CSMD3: variants seen among roughly 807,000 people sequenced by gnomAD.
The protein encoded by CSMD3 is CUB and Sushi multiple domains 3, also known as CUB and sushi domain-containing protein 3.
A neutral mutation model predicts 435.2 loss-of-function variants in CSMD3; 177 were observed. That is an observed-to-expected ratio of 0.41 (90% CI 0.36 to 0.46). The LOEUF (loss-of-function observed/expected upper bound fraction) is 0.46, where lower values mean the gene tolerates loss of function less well. CSMD3 is among the 20% of genes least tolerant of loss of function. CSMD3 has a pLI of 0.34. For synonymous variants in CSMD3, 1,656 were observed against 1,520.5 expected, an observed-to-expected ratio of 1.09 and a Z score of -2.07; for missense variants, 4,265 against 4,504.6, an observed-to-expected ratio of 0.95 and a Z score of 1.52.
chr8:112,394,941 G>A (rs552550071), intron 35 of CSMD3, among the ~76,000 whole-genome samples: 8 of 152,208 alleles, frequency 5.3e-5, no homozygotes, highest in African/African-American at 1.7e-4. Flanking sequence ...AACTGATTGT[G>A]TATCTGTACA....
At chr8:112,994,896 A>T (rs1372494897) in intron 6 of CSMD3, among the ~76,000 whole-genome samples, 1 of 151,634 alleles carries the variant, frequency 6.6e-6, no homozygotes, top group East Asian at 1.9e-4. Flanking sequence ...GTGTTACAAA[A>T]GTCTTTTATT....
intron 1 of CSMD3, among the ~76,000 whole-genome samples, chr8:113,327,894 G>A (rs926256995): frequency 2.0e-5 from 3 of 152,122 alleles, no homozygotes; most frequent in African/African-American, 7.2e-5. Context: ...CTCACAGGGG[G>A]CTTTGAAAAG....
intron 20 of CSMD3, 25 bp downstream of exon 20, chr8:112,645,084 A>G (rs1353116336): frequency 9.1e-7 from 1 of 1,103,734 alleles, no homozygotes; most frequent in East Asian, 2.4e-5. Flanking sequence ...AGATAGTCCA[A>G]TTATTATTTC....
intron 3 of CSMD3, among the ~76,000 whole-genome samples, chr8:113,200,643 G>T (rs544734861): frequency 2.0e-5 from 3 of 151,010 alleles, no homozygotes; most frequent in Non-Finnish European, 4.4e-5. Flanking sequence ...TGCAGAACGA[G>T]CTAGAAGAAG....
At chr8:113,312,842 T>A (rs984327478) in intron 2 of CSMD3, 1 of 152,190 alleles carries the variant, frequency 6.6e-6, no homozygotes, top group South Asian at 2.1e-4. Flanking sequence ...ATAAAATAGA[T>A]GATTATTGTA....
intron 13 of CSMD3, among the ~76,000 whole-genome samples, chr8:112,759,069 C>T (rs995547961): frequency 9.9e-5 from 15 of 151,990 alleles, no homozygotes; most frequent in Admixed American, 9.2e-4. Context: ...TAATACTGTT[C>T]TTAGATTTAT....
intron 11 of CSMD3, 54 bp downstream of exon 11, chr8:112,859,091 C>T (rs1471737745): frequency 1.3e-6 from 2 of 1,545,250 alleles, no homozygotes; most frequent in Non-Finnish European, 1.8e-6. Context: ...ATTTCTTTGC[C>T]TTTGTCTTTA....
chr8:113,220,459 A>C (rs1414526493), intron 3 of CSMD3, among the ~76,000 whole-genome samples: 2 of 151,416 alleles, frequency 1.3e-5, no homozygotes, highest in Non-Finnish European at 3.0e-5. Context: ...GCACCAAAAT[A>C]TTAAATGTAT....
At chr8:112,793,165 A>C (rs111244927) in intron 13 of CSMD3, among the ~76,000 whole-genome samples, 2 of 147,470 alleles carry the variant, frequency 1.4e-5, no homozygotes, top group African/African-American at 4.9e-5. Context: ...TTAATATATT[A>C]ATTAAATATA....
chr8:112,901,302 T>C (rs1250454788), intron 10 of CSMD3, among the ~76,000 whole-genome samples: 1 of 151,208 alleles, frequency 6.6e-6, no homozygotes, highest in Non-Finnish European at 1.5e-5. Context: ...AAATACAACA[T>C]TAAAAGATCT....
chr8:113,261,941 C>G (rs1438403810), intron 3 of CSMD3, among the ~76,000 whole-genome samples: 1 of 151,914 alleles, frequency 6.6e-6, no homozygotes, highest in Non-Finnish European at 1.5e-5. Context: ...TCAAAATAAC[C>G]TTGTAGAATC....
chr8:112,524,723 T>C (rs889690474), intron 27 of CSMD3, among the ~76,000 whole-genome samples: 1 of 152,002 alleles, frequency 6.6e-6, no homozygotes, highest in African/African-American at 2.4e-5. Context: ...ATAATTGATA[T>C]TATATTGATG....
chr8:113,116,669 T>G lies in CSMD3; in HGVS notation c.710-17706A>C, dbSNP rs534465185. 1.2e-4 allele frequency among the ~76,000 whole-genome samples: 19 copies of G among 152,272 alleles called. No individual in the cohort carries two copies. In the South Asian group the frequency reaches 3.9e-3, roughly 32 times the overall value. On this transcript the variant is annotated intron_variant, in intron 4 of 70. Transcript: ENST00000297405. ...GAAGACAAAAAACTGTAGAAAAGTTTGGAACTTCTTAGAGACTTAGAGAGG... is the reference window on the plus strand; with the variant it reads ...GAAGACAAAAAACTGTAGAAAAGTTGGGAACTTCTTAGAGACTTAGAGAGG...
chr8:112,942,302 A>G (rs2083475449), intron 9 of CSMD3, among the ~76,000 whole-genome samples: 2 of 151,658 alleles, frequency 1.3e-5, no homozygotes, highest in South Asian at 4.2e-4. Context: ...TGTGAAAAGC[A>G]GTTTTGCAAT....
At chr8:113,182,872 C>CTGT (rs71281205) in intron 3 of CSMD3, among the ~76,000 whole-genome samples, 8,075 of 136,978 alleles carry the variant, frequency 0.059, 316 homozygotes, top group Non-Finnish European at 0.096. Context: ...TTTGTTGTTG[C>CTGT]TGTTGTTGTT....
At chr8:112,380,163 T>C (rs555182000) in intron 38 of CSMD3, among the ~76,000 whole-genome samples, 189 bp downstream of exon 38, 62 of 152,344 alleles carry the variant, frequency 4.1e-4, no homozygotes, top group Non-Finnish European at 8.4e-4. Flanking sequence ...TGTAAATTCT[T>C]GTGAAACCAT....
intron 10 of CSMD3, among the ~76,000 whole-genome samples, chr8:112,902,171 T>C (rs1399525799): frequency 2.0e-5 from 3 of 151,216 alleles, no homozygotes; most frequent in African/African-American, 7.3e-5. Flanking sequence ...AGACAGCCTT[T>C]ATCTAGGTGT....
At chr8:113,109,557 A>G (rs754919648) in intron 4 of CSMD3, among the ~76,000 whole-genome samples, 8 of 152,244 alleles carry the variant, frequency 5.3e-5, no homozygotes, top group African/African-American at 1.9e-4. Context: ...ATTATGTCTT[A>G]TAGCTCAAGA....
At chr8:112,833,524 C>T (rs2079936846) in intron 11 of CSMD3, among the ~76,000 whole-genome samples, 1 of 151,970 alleles carries the variant, frequency 6.6e-6, no homozygotes, top group African/African-American at 2.4e-5. Context: ...ACATAGCAAG[C>T]ATGTCTTCTG....
Sources: allele counts gnomAD v4.1 joint callset (sites outside exome capture counted in the v4.1 genomes callset), GRCh38; gene constraint gnomAD v4.1.1; transcripts MANE v1.5; gene names NCBI Gene and HGNC (gene_info 2026-07-23, HGNC 2026-07-21).